The following RFX2 variants were observed in gnomAD, a reference collection of about 807,000 sequenced individuals.
RFX2 encodes the protein regulatory factor X2, also known as DNA-binding protein RFX2.
RFX2 carries 20 observed loss-of-function variants against 87.8 expected under a neutral mutation model. The observed-to-expected ratio is 0.23, with a 90% confidence interval of 0.16 to 0.33. The LOEUF (loss-of-function observed/expected upper bound fraction) is 0.33. Among genes scored for constraint, RFX2 ranks in the 10% least tolerant of loss-of-function variants. The pLI is 1.00. For missense variants in RFX2, 767 were observed against 1,012.3 expected (o/e 0.76, Z 3.29); for synonymous variants, 397 against 431.3 (o/e 0.92, Z 0.98).
At chr19:6,065,222 T>C (rs1328622356) in intron 1 of RFX2, among the ~76,000 whole-genome samples, 1 of 152,186 alleles carries the variant, frequency 6.6e-6, no homozygotes, top group East Asian at 1.9e-4. Flanking sequence ...GCAGGACAAA[T>C]AATGTATTTT....
At chr19:6,097,714 C>T (rs1335889256) in intron 1 of RFX2, among the ~76,000 whole-genome samples, 1 of 152,114 alleles carries the variant, frequency 6.6e-6, no homozygotes, top group Admixed American at 6.6e-5. Context: ...TCCTGAGTAG[C>T]TGGGACTACA....
In RFX2 at chr19:6,013,478, G is replaced by T. The variant is rs190913768; in HGVS notation, c.780-373C>A. 6.7e-6 allele frequency among the ~76,000 whole-genome samples: 1 copy of T among 149,702 alleles called. No homozygotes were observed. Among genetic ancestry groups the T allele is most frequent in the African/African-American group, 2.5e-5 (1 of 40,018 alleles). The stretch of plus-strand genomic sequence containing the variant: ...TGGGATTACAGGCGTGAGCCACTGC[G>T]CCTGGCCTCTTCTCTCTTTTTTTTT... On this transcript the variant is annotated intron_variant, in intron 7 of 17. Transcript: ENST00000303657. The surrounding 1 kb of genome is among the most constrained non-coding windows in gnomAD (Gnocchi z 4.1).
intron 1 of RFX2, among the ~76,000 whole-genome samples, chr19:6,088,211 CTTTTT>C (rs1030226963): frequency 3.6e-5 from 3 of 84,410 alleles, no homozygotes. Context: ...GGCACTACAG[CTTTTT>C]TTTTTTTTTT....
rs576555711 is a variant in RFX2 at position 6,089,038 on chromosome 19, A to G, written c.-9+21355T>C. ...TATTCTTCTTTTGATTTTTCCAACTACTTAAAAATGTAGGAAAAAAGCATT... is the reference window on the plus strand; with the variant it reads ...TATTCTTCTTTTGATTTTTCCAACTGCTTAAAAATGTAGGAAAAAAGCATT... On this transcript the variant is annotated intron_variant, in intron 1 of 17. Transcript: ENST00000303657. Among the ~76,000 whole-genome samples the G allele has an allele frequency of 1.8e-4, 28 of 152,302 alleles. No homozygotes were observed. The South Asian group carries it at 5.6e-3, about 30-fold the overall frequency.
chr19:6,088,027 A>G (rs1283716084), intron 1 of RFX2, among the ~76,000 whole-genome samples: 1 of 152,152 alleles, frequency 6.6e-6, no homozygotes, highest in African/African-American at 2.4e-5. Context: ...AGGAAGCCAC[A>G]GTCCTCAAGG....
intron 1 of RFX2, among the ~76,000 whole-genome samples, chr19:6,104,616 A>T (rs1299122245): frequency 6.6e-6 from 1 of 151,556 alleles, no homozygotes; most frequent in East Asian, 1.9e-4. Context: ...TATGTTGCCC[A>T]GGCTGGTCTC....
At position 5,998,592 on chromosome 19, in the gene RFX2, C is replaced by G. The variant is rs184433014; in HGVS notation, c.1860-1379G>C. 5.1e-3 allele frequency among the ~76,000 whole-genome samples: 784 copies of G among 152,358 alleles called. 4 individuals carry two copies. Among genetic ancestry groups the G allele is most frequent in the African/African-American group, 0.017 (716 of 41,598 alleles). On this transcript the variant is annotated intron_variant, in intron 15 of 17. Transcript: ENST00000303657. The surrounding 1 kb of genome is among the most constrained non-coding windows in gnomAD (Gnocchi z 4.2). ...GCATAGCTGCAAAGCCCCCAGCCCC[C>G]TCCTGTTCCTCCGGGCCCACCCAGG...
In RFX2 at chr19:6,004,514, CAG is replaced by C. The variant is rs1236680618; in HGVS notation, c.1403-218_1403-217del. Among the ~76,000 whole-genome samples, 1 of 152,252 alleles carries C rather than the reference CAG, an allele frequency of 6.6e-6. No homozygotes were observed. The highest frequency in any genetic ancestry group is 1.5e-5 in the Non-Finnish European group (1 of 68,036). ...CCACCCACTGCCTATGCGGGTCTCACAGGGGCGATTCTGCCCCAGGGGACACT... is the reference window on the plus strand; with the variant it reads ...CCACCCACTGCCTATGCGGGTCTCACGGGCGATTCTGCCCCAGGGGACACT... On this transcript the variant is annotated intron_variant, in intron 12 of 17. Transcript: ENST00000303657. The surrounding 1 kb of genome is among the most constrained non-coding windows in gnomAD (Gnocchi z 4.8).
chr19:5,993,971 C>T lies in RFX2; in HGVS notation c.*864G>A, dbSNP rs2145336797. The T allele has an allele frequency of 6.6e-6, 1 of 152,396 alleles. No individual in the cohort carries two copies. Among genetic ancestry groups the T allele is most frequent in the East Asian group, 1.9e-4 (1 of 5,186 alleles). The allele number at this position is 152,396 out of a possible 1,614,324, so 9.4% of individuals were successfully genotyped here. On this transcript the variant is annotated 3_prime_UTR_variant, in exon 18 of 18. Transcript: ENST00000303657. ...TGTGACACTGACCCTGTTGGACAAA[C>T]TCCTTCCACAGCCAGTGGCTTGATG...
chr19:6,095,103 C>A (rs1159054343), intron 1 of RFX2, among the ~76,000 whole-genome samples: 1 of 152,210 alleles, frequency 6.6e-6, no homozygotes, highest in East Asian at 1.9e-4. Context: ...CAGAGCAAGA[C>A]TCCATCTCAA....
rs1271909984 is a variant in RFX2, at chr19:6,064,714, A to G, written c.-8-17210T>C. Among the ~76,000 whole-genome samples the G allele has an allele frequency of 6.6e-6, 1 of 152,188 alleles. No homozygotes were observed. Among genetic ancestry groups the G allele is most frequent in the Non-Finnish European group, 1.5e-5 (1 of 68,022 alleles). On this transcript the variant is annotated intron_variant, in intron 1 of 17. Transcript: ENST00000303657. This position sits in a 1 kb window ranked among gnomAD's most constrained non-coding sequence, Gnocchi z 4.8. ...GTGAGGGCAGGGCAACAGGCAGTGC[A>G]TGTTCTTTCCACATCTCCATGACTG...
In RFX2 at chr19:6,008,286, G is replaced by C. The variant is rs892254242; in HGVS notation, c.1016-62C>G. The stretch of plus-strand genomic sequence containing the variant: ...GCTCTTAGGACACCGTGGACAACTG[G>C]AAGGCCACGGTGGATGGGGGCCCAG... On this transcript the variant is annotated intron_variant, in intron 9 of 17. Transcript: ENST00000303657. 1.3e-5 allele frequency: 13 copies of C among 1,034,284 alleles called. No individual in the cohort carries two copies. In the South Asian group the frequency reaches 1.5e-4, roughly 12 times the overall value. 64.1% of individuals were successfully genotyped at this position (1,034,284 alleles called of 1,614,324 possible).
In RFX2 at chr19:6,017,656, G is replaced by GCTGAGC. The variant is rs1001016913; in HGVS notation, c.598-1391_598-1386dup. Among the ~76,000 whole-genome samples the GCTGAGC allele has an allele frequency of 1.3e-5, 2 of 152,132 alleles. No individual in the cohort carries two copies. The highest frequency in any genetic ancestry group is 6.5e-5 in the Admixed American group (1 of 15,288). On this transcript the variant is annotated intron_variant, in intron 6 of 17. Coordinates refer to ENST00000303657, the MANE Select transcript of RFX2 (RefSeq NM_000635.4). This position sits in a 1 kb window ranked among gnomAD's most constrained non-coding sequence, Gnocchi z 4.1. ...CGAGGCTGTCAGCTGCTTTGTCTAG[G>GCTGAGC]CTGAGCCCCGCTTCCAGAGCTCCGA... is the stretch of plus-strand genomic sequence containing the variant.
In RFX2 at chr19:6,060,055, T is replaced by A. The variant is rs189627807; in HGVS notation, c.-8-12551A>T. On this transcript the variant is annotated intron_variant, in intron 1 of 17. Transcript: ENST00000303657. ...CTCTGTACTTTTCTCCTTGCAAGAT[T>A]CCATTCTAAAATTGCAACTCTTTTG... 2.6e-4 allele frequency among the ~76,000 whole-genome samples: 40 copies of A among 152,222 alleles called. No individual in the cohort carries two copies. In the East Asian group the frequency reaches 7.1e-3, roughly 27 times the overall value.
intron 6 of RFX2, among the ~76,000 whole-genome samples, chr19:6,019,602 A>T (rs1416275891): frequency 6.8e-6 from 1 of 147,264 alleles, no homozygotes; most frequent in Non-Finnish European, 1.5e-5. Context: ...ATATATATAT[A>T]TATTTAGAGA....
At chr19:6,038,654 C>T (rs1221100243) in intron 5 of RFX2, among the ~76,000 whole-genome samples, 1 of 152,194 alleles carries the variant, frequency 6.6e-6, no homozygotes, top group African/African-American at 2.4e-5. Flanking sequence ...AACAACCAAC[C>T]TAGTTAAAAA....
chr19:6,089,621 G>C (rs903124126), intron 1 of RFX2, among the ~76,000 whole-genome samples: 3 of 152,208 alleles, frequency 2.0e-5, no homozygotes, highest in Admixed American at 6.5e-5. Context: ...CATCACGTGA[G>C]GACACAGCTA....
rs969442760 is a variant in RFX2 at position 6,020,519 on chromosome 19, C to T, written c.598-4248G>A. 3.3e-5 allele frequency among the ~76,000 whole-genome samples: 5 copies of T among 152,202 alleles called. No homozygotes were observed. Among genetic ancestry groups the T allele is most frequent in the South Asian group, 2.1e-4 (1 of 4,834 alleles). On this transcript the variant is annotated intron_variant, in intron 6 of 17. Transcript: ENST00000303657. The surrounding 1 kb of genome is among the most constrained non-coding windows in gnomAD (Gnocchi z 5.3). ...GCTTGCAGACTCTGTTCAGGGTCTA[C>T]GCCTCACCAGCAGGCTGGGAGCCAC...
intron 1 of RFX2, among the ~76,000 whole-genome samples, chr19:6,084,114 T>G (rs944799453): frequency 3.9e-5 from 6 of 152,120 alleles, no homozygotes; most frequent in African/African-American, 1.4e-4. Context: ...AGCTTTCCAT[T>G]AGGCTCAAAA....
Sources: gnomAD v4.1 joint callset for allele counts (sites outside exome capture counted in the v4.1 genomes callset) on GRCh38, gnomAD v4.1.1 for gene constraint, Gnocchi (gnomAD v3.1) non-coding constraint, MANE v1.5 for transcripts, NCBI Gene and HGNC (gene_info 2026-07-23, HGNC 2026-07-21) for gene names.